The following MLLT3 variants were observed in gnomAD, a reference collection of about 807,000 sequenced individuals.
The protein encoded by MLLT3 is MLLT3 super elongation complex subunit, also known as protein AF-9.
Under a neutral mutation model 53.2 loss-of-function variants are expected in MLLT3, and 4 were observed. That is an observed-to-expected ratio of 0.08 (90% CI 0.04 to 0.17). The LOEUF is 0.17. MLLT3 is among the 10% of genes least tolerant of loss of function. The pLI, the probability that MLLT3 is intolerant of heterozygous loss-of-function variation, is 1.00. For missense variants in MLLT3, 569 were observed against 684.0 expected (o/e 0.83, Z 1.87); for synonymous variants, 283 against 230.6 (o/e 1.23, Z -2.06).
At chr9:20,409,811 A>T (rs1297084711) in intron 5 of MLLT3, among the ~76,000 whole-genome samples, 1 of 152,212 alleles carries the variant, frequency 6.6e-6, no homozygotes, top group Non-Finnish European at 1.5e-5. Flanking sequence ...TATGAGAAAC[A>T]TTTCAATAAT....
At chr9:20,423,794 T>G (rs1299718131) in intron 4 of MLLT3, among the ~76,000 whole-genome samples, 1 of 150,394 alleles carries the variant, frequency 6.6e-6, no homozygotes, top group East Asian at 1.9e-4. Flanking sequence ...TAAAATAAAA[T>G]TAAAAAAAAA....
chr9:20,604,608 T>C (rs1169023649), intron 2 of MLLT3, among the ~76,000 whole-genome samples: 1 of 152,074 alleles, frequency 6.6e-6, no homozygotes, highest in African/African-American at 2.4e-5. Flanking sequence ...CTAGCATATC[T>C]GCAAAGTAGA....
At chr9:20,492,799 A>C (rs907118333) in intron 2 of MLLT3, among the ~76,000 whole-genome samples, 1 of 152,022 alleles carries the variant, frequency 6.6e-6, no homozygotes, top group African/African-American at 2.4e-5. Context: ...TTTAGTAAGT[A>C]CATAGAAAAT....
At chr9:20,445,313 A>G (rs1245680826) in intron 4 of MLLT3, among the ~76,000 whole-genome samples, 2 of 152,200 alleles carry the variant, frequency 1.3e-5, no homozygotes, top group African/African-American at 4.8e-5. Context: ...TTAGGGAGCC[A>G]TGTCACAGAA....
chr9:20,457,761 G>A (rs1467307196), intron 2 of MLLT3, among the ~76,000 whole-genome samples: 1 of 152,182 alleles, frequency 6.6e-6, no homozygotes, highest in Non-Finnish European at 1.5e-5. Flanking sequence ...AAGGAAGCAA[G>A]ACTATTAGGC....
rs114678555 is a variant in MLLT3, at chr9:20,472,715, C to T, written c.194-15929G>A. On this transcript the variant is annotated intron_variant, in intron 2 of 10. Transcript: ENST00000380338. Reference sequence around the variant, plus strand: ...AAAAGCTTTTCATAAGCTATAAGTGCTAATACAAATACCAAGCAAACCAAA... The same window carrying T: ...AAAAGCTTTTCATAAGCTATAAGTGTTAATACAAATACCAAGCAAACCAAA... 1.5e-3 allele frequency among the ~76,000 whole-genome samples: 234 copies of T among 152,142 alleles called. 1 individual carries two copies. Among genetic ancestry groups the T allele is most frequent in the African/African-American group, 5.5e-3 (227 of 41,524 alleles).
At chr9:20,519,103 T>C (rs1817990214) in intron 2 of MLLT3, among the ~76,000 whole-genome samples, 1 of 152,240 alleles carries the variant, frequency 6.6e-6, no homozygotes, top group East Asian at 1.9e-4. Flanking sequence ...GATTACTCTT[T>C]AAATTACAGA....
At position 20,620,107 on chromosome 9, in the gene MLLT3, C is replaced by G. The variant is rs1820954597; in HGVS notation, c.193+547G>C. Among the ~76,000 whole-genome samples, 1 of 152,054 alleles carries G rather than the reference C, an allele frequency of 6.6e-6. No homozygotes were observed. Among genetic ancestry groups the G allele is most frequent in the Non-Finnish European group, 1.5e-5 (1 of 68,006 alleles). On this transcript the variant is annotated intron_variant, in intron 2 of 10. Transcript: ENST00000380338. The surrounding 1 kb of genome is among the most constrained non-coding windows in gnomAD (Gnocchi z 6.1). Reference sequence around the variant, plus strand: ...GTGGCTAAGCCACAAAAAGAAAAGTCTATGGCAACTGGCACCTGGTGCCTC... The same window carrying G: ...GTGGCTAAGCCACAAAAAGAAAAGTGTATGGCAACTGGCACCTGGTGCCTC...
At chr9:20,432,525 G>GT (rs1823297250) in intron 4 of MLLT3, among the ~76,000 whole-genome samples, 1 of 152,016 alleles carries the variant, frequency 6.6e-6, no homozygotes, top group South Asian at 2.1e-4. Context: ...TAGCTGATAC[G>GT]TAACTTCAGC....
rs151274868 is a variant in MLLT3, at chr9:20,474,769, A to G, written c.194-17983T>C. ...CCCACAGCTACTAAGCTGGTTTTGA[A>G]GACAGCATCCACAGAAAGCACTTGA... On this transcript the variant is annotated intron_variant, in intron 2 of 10. Transcript: ENST00000380338. Among the ~76,000 whole-genome samples, 165 of 152,236 alleles carry G rather than the reference A, an allele frequency of 1.1e-3. 2 individuals are homozygous for G. In the South Asian group the frequency reaches 0.017, roughly 16 times the overall value.
intron 2 of MLLT3, among the ~76,000 whole-genome samples, chr9:20,520,241 T>A (rs1818024406): frequency 6.6e-6 from 1 of 152,076 alleles, no homozygotes; most frequent in Admixed American, 6.5e-5. Flanking sequence ...AAAAAATAAC[T>A]AATGGGTACT....
At chr9:20,459,123 T>G (rs977801561) in intron 2 of MLLT3, among the ~76,000 whole-genome samples, 3 of 152,168 alleles carry the variant, frequency 2.0e-5, no homozygotes, top group African/African-American at 7.2e-5. Context: ...GAGGCATTTT[T>G]ATTACAGAAA....
At chr9:20,527,292 G>A (rs1388093281) in intron 2 of MLLT3, among the ~76,000 whole-genome samples, 1 of 152,156 alleles carries the variant, frequency 6.6e-6, no homozygotes, top group South Asian at 2.1e-4. Context: ...AGAGCCATAA[G>A]CAGCAAAATT....
At chr9:20,555,563 C>G (rs187267912) in intron 2 of MLLT3, among the ~76,000 whole-genome samples, 70 of 152,322 alleles carry the variant, frequency 4.6e-4, no homozygotes, top group Middle Eastern at 3.4e-3. Context: ...ATTTAGGGCA[C>G]ATGAAAACTC....
At chr9:20,548,010 A>C (rs1275094318) in intron 2 of MLLT3, among the ~76,000 whole-genome samples, 1 of 152,242 alleles carries the variant, frequency 6.6e-6, no homozygotes, top group Non-Finnish European at 1.5e-5. Context: ...ATCTCAATTC[A>C]GATGCTAAAT....
chr9:20,559,615 G>A (rs970599467), intron 2 of MLLT3, among the ~76,000 whole-genome samples: 8 of 152,186 alleles, frequency 5.3e-5, no homozygotes, highest in African/African-American at 1.7e-4. Context: ...TACTATGGCA[G>A]AGCCTTTGGC....
intron 4 of MLLT3, among the ~76,000 whole-genome samples, chr9:20,419,700 A>C (rs1035340323): frequency 6.6e-6 from 1 of 152,196 alleles, no homozygotes; most frequent in Non-Finnish European, 1.5e-5. Context: ...CAAATATCCC[A>C]CACACACAGT....
chr9:20,356,639 C>T (rs1407529349), intron 8 of MLLT3, among the ~76,000 whole-genome samples: 11 of 152,132 alleles, frequency 7.2e-5, no homozygotes, highest in Non-Finnish European at 1.3e-4. Flanking sequence ...TATCCCGCTG[C>T]CTCCCACGAT....
intron 4 of MLLT3, among the ~76,000 whole-genome samples, chr9:20,421,263 CAAATAAATAAATA>C (rs2118793181): frequency 6.6e-6 from 1 of 151,692 alleles, no homozygotes; most frequent in South Asian, 2.1e-4. Context: ...GACTCTGTCT[CAAATAAATAAATA>C]AAATAAATAA....
Sources: gnomAD v4.1 joint callset for allele counts (sites outside exome capture counted in the v4.1 genomes callset) on GRCh38, gnomAD v4.1.1 for gene constraint, Gnocchi (gnomAD v3.1) non-coding constraint, MANE v1.5 for transcripts, NCBI Gene and HGNC (gene_info 2026-07-23, HGNC 2026-07-21) for gene names.